NAV3: variants seen among roughly 807,000 people sequenced by gnomAD.
NAV3 encodes the protein neuron navigator 3.
Under a neutral mutation model 244.7 loss-of-function variants are expected in NAV3, and 87 were observed. The ratio of observed to expected loss-of-function variants is 0.36; its 90% CI spans 0.30 to 0.42. The LOEUF (loss-of-function observed/expected upper bound fraction) is 0.42, where lower values mean the gene tolerates loss of function less well. Among genes scored for constraint, NAV3 ranks in the 20% least tolerant of loss-of-function variants. The pLI is 1.00. For synonymous variants in NAV3, 1,126 were observed against 1,042.2 expected (o/e 1.08, Z -1.55); for missense variants, 2,663 against 2,893.3 (o/e 0.92, Z 1.83).
At chr12:78,034,519 G>C (rs1228960553) in intron 9 of NAV3, among the ~76,000 whole-genome samples, 2 of 152,176 alleles carry the variant, frequency 1.3e-5, no homozygotes, top group Non-Finnish European at 2.9e-5. Flanking sequence ...AAACTGATTG[G>C]TATATGTATA....
intron 39 of NAV3, among the ~76,000 whole-genome samples, chr12:78,207,893 C>T (rs944836480): frequency 6.6e-6 from 1 of 152,086 alleles, no homozygotes; most frequent in Admixed American, 6.6e-5. Flanking sequence ...AGAGGACAGA[C>T]TGAAGGAGAT....
chr12:77,945,740 T>A (rs1327522338), intron 3 of NAV3, among the ~76,000 whole-genome samples: 1 of 151,998 alleles, frequency 6.6e-6, no homozygotes, highest in Non-Finnish European at 1.5e-5. Flanking sequence ...TAATGGTTAC[T>A]TTATTTATTA....
chr12:77,572,633 C>A (rs948100969), intron 2 of NAV3, among the ~76,000 whole-genome samples: 1 of 152,116 alleles, frequency 6.6e-6, no homozygotes, highest in Non-Finnish European at 1.5e-5. Context: ...TTAAATAGAA[C>A]ACCTGCCTTA....
At chr12:78,159,124 A>G in intron 22 of NAV3, 79 bp from the exon 23 acceptor site, 1 of 1,214,596 alleles carries the variant, frequency 8.2e-7, no homozygotes, top group Non-Finnish European at 1.2e-6. Flanking sequence ...GAAATTAAGC[A>G]TTTTGTAAAA....
chr12:78,003,984 C>T (rs145735106), intron 7 of NAV3, among the ~76,000 whole-genome samples: 3 of 152,114 alleles, frequency 2.0e-5, no homozygotes, highest in Non-Finnish European at 2.9e-5. Context: ...CTTGACTGTG[C>T]GATAAATGTG....
At chr12:78,129,480 C>T in intron 18 of NAV3, among the ~76,000 whole-genome samples, 1 of 151,926 alleles carries the variant, frequency 6.6e-6, no homozygotes, top group Non-Finnish European at 1.5e-5. Context: ...AATAAATTAC[C>T]AACTTAGTCA....
chr12:77,737,220 G>A (rs1877373377), intron 2 of NAV3, among the ~76,000 whole-genome samples: 1 of 149,392 alleles, frequency 6.7e-6, no homozygotes, highest in African/African-American at 2.5e-5. Flanking sequence ...TTTGGATCAA[G>A]AGAAGGATCT....
rs1211203623 is a variant in NAV3 at position 78,093,698 on chromosome 12, G to C, written c.2637-23074G>C. Among the ~76,000 whole-genome samples, 4 of 150,480 alleles carry C rather than the reference G, an allele frequency of 2.7e-5. No homozygotes were observed. In the East Asian group the frequency reaches 5.8e-4, roughly 22 times the overall value. On this transcript the variant is annotated intron_variant, in intron 12 of 39. Transcript: ENST00000397909. ...CTAACTATTAGAAAAAAATAAAAAT[G>C]AATTATACAAACTTATTTACCAAGT...
chr12:77,738,791 A>G (rs1405295992), intron 2 of NAV3, among the ~76,000 whole-genome samples: 1 of 152,150 alleles, frequency 6.6e-6, no homozygotes, highest in Non-Finnish European at 1.5e-5. Flanking sequence ...TAGGCGGATC[A>G]CGAGGTCAGG....
intron 2 of NAV3, among the ~76,000 whole-genome samples, chr12:77,585,609 G>A (rs1272413726): frequency 2.6e-5 from 4 of 152,130 alleles, no homozygotes; most frequent in African/African-American, 9.7e-5. Flanking sequence ...AGCTCAGAAC[G>A]TAGATCCCTT....
intron 2 of NAV3, among the ~76,000 whole-genome samples, chr12:77,649,189 C>A (rs993693532): frequency 2.0e-5 from 3 of 152,128 alleles, no homozygotes; most frequent in Non-Finnish European, 2.9e-5. Context: ...CTTATTCAAC[C>A]AATGAATATT....
rs113192824 is a variant in NAV3 at position 78,189,884 on chromosome 12, A to G, written c.6056-100A>G. 1.1e-4 allele frequency: 92 copies of G among 854,778 alleles called. 1 individual carries two copies. In the African/African-American group the frequency reaches 1.3e-3, roughly 12 times the overall value. 52.9% of individuals were successfully genotyped at this position (854,778 alleles called of 1,614,324 possible). ...TAGGAAATTATTTTTCAAGGACTCT[A>G]TTCCTATGACTAACAATGCTGTTGC... is the stretch of plus-strand genomic sequence containing the variant. On this transcript the variant is annotated intron_variant, in intron 33 of 39. Coordinates refer to ENST00000397909, the MANE Select transcript of NAV3 (RefSeq NM_001024383.2).
At chr12:77,655,323 A>C (rs1372309637) in intron 2 of NAV3, among the ~76,000 whole-genome samples, 3 of 152,224 alleles carry the variant, frequency 2.0e-5, no homozygotes, top group African/African-American at 7.2e-5. Context: ...AAGCCTTAGG[A>C]GCCGATGCAA....
intron 12 of NAV3, among the ~76,000 whole-genome samples, chr12:78,086,352 A>G (rs1004826005): frequency 6.6e-6 from 1 of 152,216 alleles, no homozygotes; most frequent in Non-Finnish European, 1.5e-5. Context: ...AGTCTGGGAT[A>G]TGTATTGTTA....
At chr12:77,669,120 G>A (rs545744425) in intron 2 of NAV3, among the ~76,000 whole-genome samples, 31 of 152,210 alleles carry the variant, frequency 2.0e-4, no homozygotes, top group African/African-American at 7.5e-4. Context: ...CCAAATGAAG[G>A]GAAAGATAGT....
At chr12:77,760,854 G>C (rs1869426024) in intron 2 of NAV3, among the ~76,000 whole-genome samples, 1 of 152,140 alleles carries the variant, frequency 6.6e-6, no homozygotes, top group Non-Finnish European at 1.5e-5. Flanking sequence ...ACCATCATGA[G>C]TTTTGAGTGA....
rs151265729 is a variant in NAV3, at chr12:77,907,479, T to G, written c.244-32840T>G. Among the ~76,000 whole-genome samples, 5 of 152,230 alleles carry G rather than the reference T, an allele frequency of 3.3e-5. No homozygotes were observed. The East Asian group carries it at 9.7e-4, about 29-fold the overall frequency. On this transcript the variant is annotated intron_variant, in intron 1 of 39. Coordinates refer to ENST00000397909, the MANE Select transcript of NAV3 (RefSeq NM_001024383.2). ...AACTTACCCACTTCAGACTTCCTGA[T>G]TATTTCCTTGTAATAATTAGTAACA...
At chr12:77,846,050 A>G (rs551343659) in intron 1 of NAV3, among the ~76,000 whole-genome samples, 74 of 152,216 alleles carry the variant, frequency 4.9e-4, no homozygotes, top group African/African-American at 1.7e-3. Context: ...TCTCTGAGTC[A>G]TATCTCCAAT....
intron 8 of NAV3, among the ~76,000 whole-genome samples, chr12:78,015,100 G>A (rs923276929): frequency 6.6e-6 from 1 of 152,046 alleles, no homozygotes; most frequent in Non-Finnish European, 1.5e-5. Context: ...TACCTTTTCT[G>A]TGCTTGATTA....
Sources: allele counts gnomAD v4.1 joint callset (sites outside exome capture counted in the v4.1 genomes callset), GRCh38; gene constraint gnomAD v4.1.1; transcripts MANE v1.5; gene names NCBI Gene and HGNC (gene_info 2026-07-23, HGNC 2026-07-21).